SLC49A3: variants seen among roughly 807,000 people sequenced by gnomAD.
The protein encoded by SLC49A3 is solute carrier family 49 member A3.
A neutral mutation model predicts 43.8 loss-of-function variants in SLC49A3; 50 were observed. The observed-to-expected ratio is 1.14, with a 90% CI of 0.91 to 1.45. The LOEUF (loss-of-function observed/expected upper bound fraction) is 1.45. Ranked by LOEUF, SLC49A3 falls within the 40% of genes most tolerant of loss-of-function variation. The pLI is 0.00. For missense variants in SLC49A3, 906 were observed against 774.1 expected (o/e 1.17, Z -2.02); for synonymous variants, 413 against 352.0 (o/e 1.17, Z -1.94).
rs112156125 is a variant in SLC49A3, at chr4:684,634, G to A, written c.724-35C>T. The stretch of plus-strand genomic sequence containing the variant: ...AAGAGCGTCTCAGCCCCGGAGCCCG[G>A]GGGCCCTTCCCAAACCCATCGCCTC... On this transcript the variant is annotated intron_variant, in intron 5 of 9. Coordinates refer to ENST00000322224, the MANE Select transcript of SLC49A3 (RefSeq NM_032219.4). 3 of 1,611,736 alleles carry A rather than the reference G, an allele frequency of 1.9e-6. No individual in the cohort carries two copies. In the African/African-American group the frequency reaches 4.0e-5, roughly 21 times the overall value.
Position 686,539 on chromosome 4 carries a change from C to A in SLC49A3, c.287G>T (p.Arg96Leu), listed in dbSNP as rs200227958. 1.9e-6 allele frequency: 3 copies of A among 1,612,206 alleles called. No individual in the cohort carries two copies. Among genetic ancestry groups the A allele is most frequent in the Non-Finnish European group, 1.7e-6 (2 of 1,179,650 alleles). ...AIWILDSVGL[R>L]AATILGAWLN... is the part of the protein sequence containing the mutation. Reference sequence around the variant, plus strand: ...GTGTGGGGTCTGACTCACCGCCGCACGGAGCCCGACGGAGTCCAGGATCCA... The same window carrying A: ...GTGTGGGGTCTGACTCACCGCCGCAAGGAGCCCGACGGAGTCCAGGATCCA... The change falls in exon 2 of 10, where the codon CGT becomes CTT. Residue 96 changes from arginine (R) to leucine (L), a missense_variant. By Grantham distance (102) the Arg-to-Leu change is moderately radical. Coordinates refer to ENST00000322224, the MANE Select transcript of SLC49A3 (RefSeq NM_032219.4).
In SLC49A3 at chr4:684,724, TG is replaced by T. The variant is rs770085456; in HGVS notation, c.717del (p.Lys240SerfsTer19). The part of the protein sequence containing the change: ...SSTSEKFLDG[L>X]KLLMWNKAYV... ...GGGGATCCCACGGCACTGACCAGCTTGAGCCCATCCAGGAACTTCTCTGAGG... is the reference window on the plus strand; with the variant it reads ...GGGGATCCCACGGCACTGACCAGCTTAGCCCATCCAGGAACTTCTCTGAGG... On this transcript the variant is annotated frameshift_variant, in exon 5 of 10. Coordinates refer to ENST00000322224, the MANE Select transcript of SLC49A3 (RefSeq NM_032219.4). LOFTEE classifies it high-confidence loss of function. 2 of 1,611,150 alleles carry T rather than the reference TG, an allele frequency of 1.2e-6. No individual in the cohort carries two copies. Among genetic ancestry groups the T allele is most frequent in the Non-Finnish European group, 1.7e-6 (2 of 1,179,350 alleles).
chr4:683,860 C>G, intron 6 of SLC49A3, 99 bp from the exon 7 acceptor site: 1 of 1,399,786 alleles, frequency 7.1e-7, no homozygotes, highest in African/African-American at 1.5e-5. Context: ...GTGTGCTGTG[C>G]CCAAGGCCCA....
downstream of SLC49A3, chr4:678,690 T>A: frequency 1.2e-6 from 2 of 1,611,184 alleles, no homozygotes; most frequent in Non-Finnish European, 1.7e-6. Context: ...AGGAAGGGGG[T>A]GCCCTCCGGG....
chr4:680,235 C>T (rs562777419), downstream of SLC49A3, among the ~76,000 whole-genome samples: 1 of 152,172 alleles, frequency 6.6e-6, no homozygotes, highest in Non-Finnish European at 1.5e-5. Flanking sequence ...GCCGTCGACA[C>T]CTCTGTCCCT....
chr4:686,847 C>T lies in SLC49A3; in HGVS notation c.136-157G>A, dbSNP rs371365641. On this transcript the variant is annotated intron_variant, in intron 1 of 9. Transcript: ENST00000322224. ...GGGCCTTCCTGCCCAAGGAGAGCGC[C>T]ACCCTGCCTCCCCCGAGGGCGGGCA... is the stretch of plus-strand genomic sequence containing the variant. Among the ~76,000 whole-genome samples, 24 of 152,336 alleles carry T rather than the reference C, an allele frequency of 1.6e-4. No individual in the cohort carries two copies. The South Asian group carries it at 4.6e-3, about 29-fold the overall frequency.
upstream of SLC49A3, among the ~76,000 whole-genome samples, chr4:690,932 G>T (rs1379428475): frequency 6.6e-6 from 1 of 152,226 alleles, no homozygotes; most frequent in Non-Finnish European, 1.5e-5. Context: ...ATTACTCCAA[G>T]GAAAATTAAA....
At chr4:678,684 AG>A (rs1739111159), downstream of SLC49A3, 1 of 1,610,912 alleles carries the variant, frequency 6.2e-7, no homozygotes, top group Non-Finnish European at 8.5e-7. Flanking sequence ...AGAAGAAGGA[AG>A]GGGGTGCCCT....
In SLC49A3 at chr4:681,923, G is replaced by C. The variant is rs763972713; in HGVS notation, c.*35C>G. On this transcript the variant is annotated 3_prime_UTR_variant, in exon 10 of 10. Coordinates refer to ENST00000322224, the MANE Select transcript of SLC49A3 (RefSeq NM_032219.4). ...CCAGATGTTCCAGTTCGCCTCCATC[G>C]ATGTGGCGGGCAACCTGGACTACAA... 1 of 1,319,502 alleles carries C rather than the reference G, an allele frequency of 7.6e-7. No homozygotes were observed. The highest frequency in any genetic ancestry group is 3.1e-5 in the Admixed American group (1 of 32,548). 81.7% of individuals were successfully genotyped at this position (1,319,502 alleles called of 1,614,324 possible).
intron 7 of SLC49A3, 51 bp downstream of exon 7, chr4:683,558 T>TC: frequency 1.9e-6 from 3 of 1,571,816 alleles, no homozygotes; most frequent in Non-Finnish European, 2.6e-6. Context: ...TCTCCGGGCC[T>TC]CACCACCCAC....
chr4:687,989 G>A (rs10020292), intron 1 of SLC49A3: 4,314 of 152,320 alleles, frequency 0.028, 213 homozygotes, highest in African/African-American at 0.099. Context: ...ATGATGACTC[G>A]TGGATATTAA....
At chr4:679,106 G>A (rs754502735), downstream of SLC49A3, 26 of 1,270,050 alleles carry the variant, frequency 2.0e-5, no homozygotes, top group Middle Eastern at 2.0e-4. Flanking sequence ...TCCAGACGCC[G>A]CGGCCCCTCC....
chr4:691,269 T>G (rs1458146154), upstream of SLC49A3, among the ~76,000 whole-genome samples: 788 of 95,404 alleles, frequency 8.3e-3, no homozygotes, highest in Middle Eastern at 0.056. Context: ...GGCAACAGAG[T>G]GAGACTCTGT....
downstream of SLC49A3, chr4:678,548 G>C (rs28648652): frequency 0.025 from 36,194 of 1,476,176 alleles, 1,900 homozygotes; most frequent in East Asian, 0.23. Context: ...CCTCCAGCCC[G>C]AAGGGCTGAG....
At position 688,985 on chromosome 4, in the gene SLC49A3, G is replaced by A. The variant is rs1198746137; in HGVS notation, c.135+8C>T. The A allele has an allele frequency of 5.0e-6, 8 of 1,591,464 alleles. No individual in the cohort carries two copies. Among genetic ancestry groups the A allele is most frequent in the Non-Finnish European group, 6.8e-6 (8 of 1,171,156 alleles). On this transcript the variant is annotated splice_region_variant and intron_variant, in intron 1 of 9. Transcript: ENST00000322224. ...CCCGGAGCCACCTGTCCCCGCCCCTGCCCCTACCGTGGCGTTGGAGCAGTT... is the reference window on the plus strand; with the variant it reads ...CCCGGAGCCACCTGTCCCCGCCCCTACCCCTACCGTGGCGTTGGAGCAGTT...
downstream of SLC49A3, chr4:678,668 A>G: frequency 6.2e-7 from 1 of 1,608,668 alleles, no homozygotes; most frequent in Non-Finnish European, 8.5e-7. Context: ...GCCAGCAGGA[A>G]GACCAAGAAG....
Position 684,604 on chromosome 4 carries a change from T to C in SLC49A3, c.724-5A>G, listed in dbSNP as rs1423969080. On this transcript the variant is annotated splice_region_variant and splice_polypyrimidine_tract_variant and intron_variant, in intron 5 of 9. Transcript: ENST00000322224. ...ATAGGCCTTGTTCCACATGAGCTGC[T>C]GGGAAAGAGCGTCTCAGCCCCGGAG... 3 of 1,612,674 alleles carry C rather than the reference T, an allele frequency of 1.9e-6. No homozygotes were observed. The highest frequency in any genetic ancestry group is 4.5e-5 in the East Asian group (2 of 44,860).
At chr4:679,237 G>C, downstream of SLC49A3, 1 of 692,458 alleles carries the variant, frequency 1.4e-6, no homozygotes, top group Non-Finnish European at 2.6e-6. Context: ...GGTGAGACAG[G>C]GTGGGTGGGA....
downstream of SLC49A3, chr4:678,088 T>C: frequency 6.2e-7 from 1 of 1,601,536 alleles, no homozygotes. Flanking sequence ...GTGCTGTGCA[T>C]GTGTACATGC....
Sources: allele counts gnomAD v4.1 joint callset (sites outside exome capture counted in the v4.1 genomes callset), GRCh38; gene constraint gnomAD v4.1.1; transcripts MANE v1.5; gene names NCBI Gene and HGNC (gene_info 2026-07-23, HGNC 2026-07-21).